Variants in SMC5 observed in about 807,000 individuals in gnomAD.
The protein encoded by SMC5 is structural maintenance of chromosomes 5, also known as structural maintenance of chromosomes protein 5.
SMC5 carries 88 observed loss-of-function variants against 148.3 expected under a neutral mutation model. The observed-to-expected ratio is 0.59, with a 90% confidence interval of 0.50 to 0.71. The LOEUF (loss-of-function observed/expected upper bound fraction) is 0.71. SMC5 is among the 30% of genes least tolerant of loss of function. The pLI is 0.00. For synonymous variants in SMC5, 421 were observed against 432.8 expected (o/e 0.97, Z 0.34); for missense variants, 1,142 against 1,298.9 (o/e 0.88, Z 1.86).
At chr9:70,284,621 A>G (rs1405184597) in intron 7 of SMC5, among the ~76,000 whole-genome samples, 2 of 152,256 alleles carry the variant, frequency 1.3e-5, no homozygotes, top group African/African-American at 4.8e-5. Flanking sequence ...TATTTATAAC[A>G]GAAGCCCAGC....
chr9:70,286,568 G>T (rs1445709218), intron 8 of SMC5, among the ~76,000 whole-genome samples: 2 of 152,026 alleles, frequency 1.3e-5, no homozygotes, highest in African/African-American at 4.8e-5. Flanking sequence ...TAAGGTCTAA[G>T]GGATTTATTC....
chr9:70,297,299 ACC>A (rs1470183359), intron 8 of SMC5, among the ~76,000 whole-genome samples: 1 of 152,192 alleles, frequency 6.6e-6, no homozygotes, highest in Non-Finnish European at 1.5e-5. Flanking sequence ...TGTCTCAGCC[ACC>A]CATGTGGATG....
Position 70,258,982 on chromosome 9 carries a change from C to A in SMC5, c.-97C>A, listed in dbSNP as rs1486386045. The A allele has an allele frequency of 2.1e-6, 3 of 1,396,018 alleles. No homozygotes were observed. In the African/African-American group the frequency reaches 4.4e-5, roughly 21 times the overall value. 86.5% of individuals were successfully genotyped at this position (1,396,018 alleles called of 1,614,324 possible). ...CGCGCGGTAACAGTTCGCGGCAGTT[C>A]GCGCGGGAGCGGGGCGCCTGGGTGG... is the stretch of plus-strand genomic sequence containing the variant. On this transcript the variant is annotated 5_prime_UTR_variant, in exon 1 of 25. Coordinates refer to ENST00000361138, the MANE Select transcript of SMC5 (RefSeq NM_015110.4).
At chr9:70,295,549 T>A (rs1036169407) in intron 8 of SMC5, among the ~76,000 whole-genome samples, 4 of 150,856 alleles carry the variant, frequency 2.7e-5, no homozygotes, top group Non-Finnish European at 5.9e-5. Flanking sequence ...AGTATCCTAG[T>A]GAAGGTAGGT....
chr9:70,316,407 A>G (rs184864326), intron 13 of SMC5, among the ~76,000 whole-genome samples: 233 of 152,110 alleles, frequency 1.5e-3, no homozygotes, highest in Non-Finnish European at 2.4e-3. Flanking sequence ...CAGAAGATAG[A>G]AAAATGAGAG....
intron 20 of SMC5, 100 bp downstream of exon 20, chr9:70,347,261 C>G (rs2036688453): frequency 1.2e-6 from 1 of 838,540 alleles, no homozygotes; most frequent in Non-Finnish European, 1.9e-6. Context: ...TACTTGCCTC[C>G]CACTCTGTAC....
intron 19 of SMC5, 26 bp downstream of exon 19, chr9:70,346,675 C>G (rs540208867): frequency 6.2e-7 from 1 of 1,612,838 alleles, no homozygotes; most frequent in African/African-American, 1.3e-5. Flanking sequence ...TCTTTTTTCC[C>G]AAGCTCCTGT....
At chr9:70,285,269 A>G (rs1038741923) in intron 7 of SMC5, among the ~76,000 whole-genome samples, 1 of 152,200 alleles carries the variant, frequency 6.6e-6, no homozygotes, top group Non-Finnish European at 1.5e-5. Context: ...TGCCCTGAGG[A>G]CAAAGTCTAG....
At chr9:70,269,117 A>T (rs1399329817) in intron 3 of SMC5, among the ~76,000 whole-genome samples, 4 of 152,206 alleles carry the variant, frequency 2.6e-5, no homozygotes, top group Non-Finnish European at 5.9e-5. Context: ...AAAATTACTC[A>T]GTTTTTATTT....
At chr9:70,300,280 A>G in intron 10 of SMC5, 80 bp downstream of exon 10, 5 of 1,291,108 alleles carry the variant, frequency 3.9e-6, no homozygotes, top group Non-Finnish European at 5.3e-6. Flanking sequence ...TTTTAGTCCC[A>G]ATATTACCCT....
intron 17 of SMC5, among the ~76,000 whole-genome samples, chr9:70,334,870 T>G (rs915295492): frequency 1.3e-5 from 2 of 152,120 alleles, no homozygotes; most frequent in Non-Finnish European, 2.9e-5. Flanking sequence ...TTACTGGTCT[T>G]GGGTAGCAAA....
chr9:70,259,013 C>G lies in SMC5; in HGVS notation c.-66C>G. 1.3e-6 allele frequency: 2 copies of G among 1,495,032 alleles called. No individual in the cohort carries two copies. The highest frequency in any genetic ancestry group is 1.8e-6 in the Non-Finnish European group (2 of 1,120,174). The allele number at this position is 1,495,032 out of a possible 1,614,324, so 92.6% of individuals were successfully genotyped here. A position where few individuals can be genotyped will look rare whatever the true frequency, so the allele number is the denominator to read the frequency against. On this transcript the variant is annotated 5_prime_UTR_variant, in exon 1 of 25. Coordinates refer to ENST00000361138, the MANE Select transcript of SMC5 (RefSeq NM_015110.4). The stretch of plus-strand genomic sequence containing the variant: ...GGAGCGGGGCGCCTGGGTGGATGGG[C>G]GCTTGGGCGCCTGGGCTGCCGGACG...
At chr9:70,262,561 A>G (rs1164676003) in intron 1 of SMC5, among the ~76,000 whole-genome samples, 1 of 152,228 alleles carries the variant, frequency 6.6e-6, no homozygotes, top group African/African-American at 2.4e-5. Context: ...CTAAGAGACC[A>G]CAAGAGTGGT....
intron 8 of SMC5, among the ~76,000 whole-genome samples, chr9:70,292,791 T>C (rs1180134): frequency 0.039 from 5,963 of 152,250 alleles, 178 homozygotes; most frequent in Non-Finnish European, 0.062. Flanking sequence ...GGTTAGTAAG[T>C]GATGGATTAT....
intron 17 of SMC5, among the ~76,000 whole-genome samples, chr9:70,328,578 GGC>G (rs1263366135): frequency 6.6e-6 from 1 of 152,220 alleles, no homozygotes; most frequent in Non-Finnish European, 1.5e-5. Context: ...CCACCCCTGT[GGC>G]TCGGCAGGGT....
chr9:70,298,267 C>T, intron 9 of SMC5, 46 bp downstream of exon 9: 1 of 1,549,932 alleles, frequency 6.5e-7, no homozygotes, highest in Non-Finnish European at 8.7e-7. Context: ...AATGTAGATA[C>T]ATCTCTGTTG....
chr9:70,310,785 T>A (rs1240149402), intron 11 of SMC5: 1 of 152,262 alleles, frequency 6.6e-6, no homozygotes, highest in African/African-American at 2.4e-5. Context: ...TAGCTAGATC[T>A]TCTGGATAAC....
rs146901003 is a variant in SMC5 at position 70,352,656 on chromosome 9, T to A, written c.*325T>A. The stretch of plus-strand genomic sequence containing the variant: ...AGGGTTAATCACAAGAAGTTACTTA[T>A]ATGGTAGCCCTGAGCTTTAATTGCA... On this transcript the variant is annotated 3_prime_UTR_variant, in exon 25 of 25. Transcript: ENST00000361138. The A allele has an allele frequency of 9.9e-6, 2 of 201,368 alleles. No homozygotes were observed. The highest frequency in any genetic ancestry group is 4.6e-5 in the African/African-American group (2 of 43,174). The allele number at this position is 201,368 out of a possible 1,614,324, so 12.5% of individuals were successfully genotyped here.
intron 3 of SMC5, among the ~76,000 whole-genome samples, chr9:70,268,493 A>G (rs1260995228): frequency 6.6e-6 from 1 of 152,152 alleles, no homozygotes; most frequent in Non-Finnish European, 1.5e-5. Context: ...TTTTATTTTA[A>G]AAAATTATCA....
Sources: allele counts gnomAD v4.1 joint callset (sites outside exome capture counted in the v4.1 genomes callset), GRCh38; gene constraint gnomAD v4.1.1; transcripts MANE v1.5; gene names NCBI Gene and HGNC (gene_info 2026-07-23, HGNC 2026-07-21).